COG8: variants seen among roughly 807,000 people sequenced by gnomAD.
COG8 encodes conserved oligomeric Golgi complex subunit 8.
A neutral mutation model predicts 46.5 loss-of-function variants in COG8; 45 were observed. That is an observed-to-expected ratio of 0.97 (90% CI 0.76 to 1.24). The LOEUF is 1.24. Ranked by LOEUF, COG8 falls within the 50% of genes most tolerant of loss-of-function variation. The pLI, the probability that COG8 is intolerant of heterozygous loss-of-function variation, is 0.00. For synonymous variants in COG8, 407 were observed against 347.8 expected, an observed-to-expected ratio of 1.17 and a Z score of -1.90; for missense variants, 793 against 820.8, an observed-to-expected ratio of 0.97 and a Z score of 0.41.
Position 69,335,266 on chromosome 16 carries a change from G to A in COG8, c.668C>T (p.Pro223Leu), listed in dbSNP as rs547260528. 1.2e-6 allele frequency: 2 copies of A among 1,613,540 alleles called. No homozygotes were observed. Among genetic ancestry groups the A allele is most frequent in the Non-Finnish European group, 1.7e-6 (2 of 1,179,888 alleles). The change falls in exon 3 of 6, where the codon CCT (proline) becomes CTT (leucine). Residue 223 changes from proline (P) to leucine (L), a missense_variant. Coordinates refer to ENST00000306875, the MANE Select transcript of COG8 (RefSeq NM_032382.5). Reference sequence around the variant, plus strand: ...GTAGCCAATGACACGGAGGCAGGCAGGAAGCTGGATGTTGGTCCTCAGTTG... The same window carrying A: ...GTAGCCAATGACACGGAGGCAGGCAAGAAGCTGGATGTTGGTCCTCAGTTG... ...IQQLRTNIQL[P>L]ACLRVIGYLR...
chr16:69,329,945 G>A (rs1020360747), intron 5 of COG8: 16 of 1,480,612 alleles, frequency 1.1e-5, no homozygotes, highest in Non-Finnish European at 1.3e-5. Context: ...GCGGAGTCGG[G>A]CAGAAGAGAC....
rs956951928 is a variant in COG8 at position 69,331,185 on chromosome 16, C to T, written c.1583-90G>A. ...AAGGGAGGCCGGGCGCGGTGGCTCA[C>T]GCCTGTAATCCCAGCACTTTGGGAG... On this transcript the variant is annotated intron_variant, in intron 4 of 5. Coordinates refer to ENST00000306875, the MANE Select transcript of COG8 (RefSeq NM_032382.5). 2.8e-5 allele frequency: 40 copies of T among 1,434,866 alleles called. No homozygotes were observed. In the Admixed American group the frequency reaches 4.0e-4, roughly 14 times the overall value. 88.9% of individuals were successfully genotyped at this position (1,434,866 alleles called of 1,614,324 possible).
intron 3 of COG8, among the ~76,000 whole-genome samples, 184 bp downstream of exon 3, chr16:69,334,337 T>C (rs1431956827): frequency 6.6e-6 from 1 of 152,250 alleles, no homozygotes; most frequent in Non-Finnish European, 1.5e-5. Context: ...AATCACTTCA[T>C]GGACTGTCCT....
chr16:69,326,523 C>A lies in COG8; in HGVS notation c.*2683G>T, dbSNP rs1267245017. ...CTACTGCTTAAACACCTTGACAAGT[C>A]CTAGGGGTTAACAAAGGTTAGCATG... On this transcript the variant is annotated 3_prime_UTR_variant, in exon 6 of 6. Coordinates refer to ENST00000306875, the MANE Select transcript of COG8 (RefSeq NM_032382.5). 6.6e-6 allele frequency: 1 copy of A among 152,200 alleles called. No individual in the cohort carries two copies. The highest frequency in any genetic ancestry group is 1.5e-5 in the Non-Finnish European group (1 of 68,032). The allele number at this position is 152,200 out of a possible 1,614,324, so 9.4% of individuals were successfully genotyped here. A position where few individuals can be genotyped will look rare whatever the true frequency, so the allele number is the denominator to read the frequency against.
intron 1 of COG8, 200 bp downstream of exon 1, chr16:69,338,976 G>T: frequency 1.4e-6 from 1 of 738,456 alleles, no homozygotes; most frequent in Non-Finnish European, 2.2e-6. Flanking sequence ...CCTGGCGACA[G>T]GGCGAGACTC....
chr16:69,328,101 C>T lies in COG8; in HGVS notation c.*1105G>A, dbSNP rs1441101108. The T allele has an allele frequency of 2.0e-5, 3 of 152,228 alleles. No homozygotes were observed. The highest frequency in any genetic ancestry group is 1.9e-4 in the East Asian group (1 of 5,176). 9.4% of individuals were successfully genotyped at this position (152,228 alleles called of 1,614,324 possible). A position where few individuals can be genotyped will look rare whatever the true frequency, so the allele number is the denominator to read the frequency against. Reference sequence around the variant, plus strand: ...TAGCTGGGATTACAGGTGCTCGCCACCACGCCCGGCTAATTTTTGTATCTT... The same window carrying T: ...TAGCTGGGATTACAGGTGCTCGCCATCACGCCCGGCTAATTTTTGTATCTT... On this transcript the variant is annotated 3_prime_UTR_variant, in exon 6 of 6. Coordinates refer to ENST00000306875, the MANE Select transcript of COG8 (RefSeq NM_032382.5).
At chr16:69,330,336 C>A in intron 5 of COG8, 1 of 1,457,780 alleles carries the variant, frequency 6.9e-7, no homozygotes, top group Non-Finnish European at 9.0e-7. Context: ...ACCGGGGCCG[C>A]CACGCCGCGC....
rs1013709262 is a variant in COG8 at position 69,327,765 on chromosome 16, A to G, written c.*1441T>C. 2.4e-4 allele frequency: 37 copies of G among 152,182 alleles called. No homozygotes were observed. Among genetic ancestry groups the G allele is most frequent in the African/African-American group, 8.4e-4 (35 of 41,514 alleles). 9.4% of individuals were successfully genotyped at this position (152,182 alleles called of 1,614,324 possible). A position where few individuals can be genotyped will look rare whatever the true frequency, so the allele number is the denominator to read the frequency against. ...AGTGTGGCTCACAACTGATCCCAGC[A>G]CTTTGGGAGGCCGAGGCAGGAGGAT... is the stretch of plus-strand genomic sequence containing the variant. On this transcript the variant is annotated 3_prime_UTR_variant, in exon 6 of 6. Coordinates refer to ENST00000306875, the MANE Select transcript of COG8 (RefSeq NM_032382.5).
At chr16:69,338,999 GA>G in intron 1 of COG8, 176 bp downstream of exon 1, 1 of 877,838 alleles carries the variant, frequency 1.1e-6, no homozygotes, top group Non-Finnish European at 1.7e-6. Flanking sequence ...TCTCAAAAAA[GA>G]TAAAAAAGGA....
At chr16:69,331,678 T>C (rs2011858263) in intron 4 of COG8, among the ~76,000 whole-genome samples, 1 of 151,862 alleles carries the variant, frequency 6.6e-6, no homozygotes, top group African/African-American at 2.4e-5. Context: ...AATTTTTGTA[T>C]TTTTAGTAGA....
At position 69,335,065 on chromosome 16, in the gene COG8, C is replaced by G; in HGVS notation, c.869G>C (p.Arg290Pro). The G allele has an allele frequency of 6.2e-7, 1 of 1,614,160 alleles. No individual in the cohort carries two copies. The highest frequency in any genetic ancestry group is 1.1e-5 in the South Asian group (1 of 91,080). ...VHLFDIITQYRAIFSDEDPLL... is the reference protein window; with the variant it reads ...VHLFDIITQYPAIFSDEDPLL... ...TGGGTCCTCGTCTGAGAAGATGGCA[C>G]GGTACTGGGTGATGATATCAAAGAG... Residue 290 changes from arginine to proline, a missense_variant, in exon 3 of 6, where the codon CGT becomes CCT. Arg to Pro is a moderately radical substitution (Grantham distance 103, BLOSUM62 -2). Transcript: ENST00000306875.
chr16:69,328,082 G>A lies in COG8; in HGVS notation c.*1124C>T, dbSNP rs1965658866. ...TCTGCCTTGGCTTCACGAGTAGCTGGGATTACAGGTGCTCGCCACCACGCC... is the reference window on the plus strand; with the variant it reads ...TCTGCCTTGGCTTCACGAGTAGCTGAGATTACAGGTGCTCGCCACCACGCC... On this transcript the variant is annotated 3_prime_UTR_variant, in exon 6 of 6. Coordinates refer to ENST00000306875, the MANE Select transcript of COG8 (RefSeq NM_032382.5). 1 of 152,068 alleles carries A rather than the reference G, an allele frequency of 6.6e-6. No individual in the cohort carries two copies. The highest frequency in any genetic ancestry group is 2.1e-4 in the South Asian group (1 of 4,826). 9.4% of individuals were successfully genotyped at this position (152,068 alleles called of 1,614,324 possible). A position where few individuals can be genotyped will look rare whatever the true frequency, so the allele number is the denominator to read the frequency against.
chr16:69,333,115 C>T lies in COG8; in HGVS notation c.1414-233G>A, dbSNP rs891489893. Among the ~76,000 whole-genome samples, 17 of 151,386 alleles carry T rather than the reference C, an allele frequency of 1.1e-4. No individual in the cohort carries two copies. In the Middle Eastern group the frequency reaches 0.01, roughly 93 times the overall value. ...CTTGTTACATTACGGGTATAGTTTC[C>T]GGTTCCAGTGGAGGAGTGTCATAAA... On this transcript the variant is annotated intron_variant, in intron 3 of 5. Coordinates refer to ENST00000306875, the MANE Select transcript of COG8 (RefSeq NM_032382.5).
Position 69,330,813 on chromosome 16 carries a change from C to A in COG8, c.*26G>T. The A allele has an allele frequency of 1.3e-6, 2 of 1,527,694 alleles. No homozygotes were observed. The highest frequency in any genetic ancestry group is 8.8e-7 in the Non-Finnish European group (1 of 1,142,414). 94.6% of individuals were successfully genotyped at this position (1,527,694 alleles called of 1,614,324 possible). A position where few individuals can be genotyped will look rare whatever the true frequency, so the allele number is the denominator to read the frequency against. On this transcript the variant is annotated splice_region_variant and 3_prime_UTR_variant, in exon 5 of 6. Transcript: ENST00000306875. ...ACCCCGCGCCGGGAACCTCACGCAC[C>A]GCGTTCTGGAGGCAGGGGACGCCGG...
chr16:69,330,187 G>C (rs774422483), intron 5 of COG8: 2 of 1,486,618 alleles, frequency 1.3e-6, no homozygotes, highest in Non-Finnish European at 1.8e-6. Flanking sequence ...ACAGCGCCTC[G>C]GGGAGCTCCA....
intron 3 of COG8, 139 bp from the exon 4 acceptor site, chr16:69,333,021 C>T (rs978847653): frequency 1.3e-6 from 1 of 757,794 alleles, no homozygotes; most frequent in African/African-American, 1.7e-5. Flanking sequence ...TTTACTGTCT[C>T]ATTTAAACTC....
chr16:69,339,078 C>G (rs2012375688), intron 1 of COG8, 98 bp downstream of exon 1: 1 of 1,552,450 alleles, frequency 6.4e-7, no homozygotes, highest in Non-Finnish European at 8.9e-7. Flanking sequence ...AGCAGAGAAC[C>G]TGGAACGTGG....
chr16:69,327,354 AAC>A lies in COG8; in HGVS notation c.*1850_*1851del, dbSNP rs1212273161. 2 of 151,640 alleles carry A rather than the reference AAC, an allele frequency of 1.3e-5. No homozygotes were observed. The highest frequency in any genetic ancestry group is 2.9e-5 in the Non-Finnish European group (2 of 67,918). The allele number at this position is 151,640 out of a possible 1,614,324, so 9.4% of individuals were successfully genotyped here. A position where few individuals can be genotyped will look rare whatever the true frequency, so the allele number is the denominator to read the frequency against. On this transcript the variant is annotated 3_prime_UTR_variant, in exon 6 of 6. Coordinates refer to ENST00000306875, the MANE Select transcript of COG8 (RefSeq NM_032382.5). ...AGCTAATTTTCATATTTTTAGTAGA[AAC>A]AGTGTTTCGCCATGTTGGCCAGGCT...
chr16:69,330,346 C>T, intron 5 of COG8: 1 of 1,470,180 alleles, frequency 6.8e-7, no homozygotes, highest in Non-Finnish European at 8.9e-7. Context: ...CCACGCCGCG[C>T]AGCACCGGGT....
Sources: allele counts gnomAD v4.1 joint callset (sites outside exome capture counted in the v4.1 genomes callset), GRCh38; gene constraint gnomAD v4.1.1; transcripts MANE v1.5; gene names NCBI Gene and HGNC (gene_info 2026-07-23, HGNC 2026-07-21).